Variants in CCSER2 observed in about 807,000 individuals in gnomAD.
The protein encoded by CCSER2 is serine-rich coiled-coil domain-containing protein 2.
Under a neutral mutation model 92.3 loss-of-function variants are expected in CCSER2, and 46 were observed. The ratio of observed to expected loss-of-function variants is 0.50; its 90% confidence interval spans 0.39 to 0.64. CCSER2 has a LOEUF of 0.64. Ranked by LOEUF, CCSER2 falls within the 30% of genes least tolerant of loss-of-function variation. CCSER2 has a pLI of 0.00. For synonymous variants in CCSER2, 433 were observed against 431.4 expected (o/e 1.00, Z -0.04); for missense variants, 1,244 against 1,238.9 (o/e 1.00, Z -0.06).
chr10:84,384,536 A>G (rs1326220315), intron 3 of CCSER2, among the ~76,000 whole-genome samples: 2 of 152,260 alleles, frequency 1.3e-5, no homozygotes, highest in Non-Finnish European at 1.5e-5. Flanking sequence ...GATCATCTCA[A>G]TAGATGAAGA....
At chr10:84,329,158 G>C (rs1236886257) in intron 1 of CCSER2, among the ~76,000 whole-genome samples, 1 of 152,206 alleles carries the variant, frequency 6.6e-6, no homozygotes, top group East Asian at 1.9e-4. Flanking sequence ...GAAAGTACCG[G>C]GGCTCCCCGA....
chr10:84,495,356 G>C (rs1416175598), intron 9 of CCSER2, among the ~76,000 whole-genome samples: 1 of 152,090 alleles, frequency 6.6e-6, no homozygotes, highest in Middle Eastern at 3.2e-3. Context: ...TAACTTTGTT[G>C]TGGTTTGTCT....
intron 3 of CCSER2, among the ~76,000 whole-genome samples, chr10:84,387,653 C>G (rs1007004197): frequency 6.6e-6 from 1 of 150,692 alleles, no homozygotes; most frequent in Non-Finnish European, 1.5e-5. Flanking sequence ...CTCAGCCTCC[C>G]GAGTAGCTGG....
intron 3 of CCSER2, among the ~76,000 whole-genome samples, chr10:84,413,768 G>GTGGGAGTC (rs1842765531): frequency 2.0e-5 from 3 of 152,122 alleles, no homozygotes; most frequent in Admixed American, 2.0e-4. Flanking sequence ...CTATTATTGT[G>GTGGGAGTC]TGGGAGTCTG....
chr10:84,485,898 C>G (rs1250097485), intron 9 of CCSER2, among the ~76,000 whole-genome samples: 2 of 152,210 alleles, frequency 1.3e-5, no homozygotes, highest in Admixed American at 1.3e-4. Flanking sequence ...ACCACCTCCC[C>G]CAACCCCACA....
intron 6 of CCSER2, among the ~76,000 whole-genome samples, chr10:84,448,183 T>A (rs1220603023): frequency 6.6e-6 from 1 of 152,058 alleles, no homozygotes; most frequent in East Asian, 1.9e-4. Flanking sequence ...CCATTTTGGA[T>A]CTGAAACCTG....
At chr10:84,379,762 G>T (rs372378225) in intron 3 of CCSER2, among the ~76,000 whole-genome samples, 3 of 151,896 alleles carry the variant, frequency 2.0e-5, no homozygotes, top group African/African-American at 4.8e-5. Flanking sequence ...TATTCTACAG[G>T]TTTCTTTTTT....
chr10:84,396,983 T>C (rs1467825339), intron 3 of CCSER2, among the ~76,000 whole-genome samples: 1 of 152,250 alleles, frequency 6.6e-6, no homozygotes, highest in Non-Finnish European at 1.5e-5. Flanking sequence ...TATGCTAGTA[T>C]AGAGCAGTAT....
At chr10:84,413,348 C>G (rs1287157721) in intron 3 of CCSER2, among the ~76,000 whole-genome samples, 1 of 152,186 alleles carries the variant, frequency 6.6e-6, no homozygotes, top group East Asian at 1.9e-4. Flanking sequence ...GGTATGTTTT[C>G]TCTTTGTTCT....
chr10:84,433,628 A>G (rs562800861), intron 5 of CCSER2, among the ~76,000 whole-genome samples: 1 of 152,358 alleles, frequency 6.6e-6, no homozygotes, highest in East Asian at 1.9e-4. Context: ...ATTTGGAGAA[A>G]TTCCTTTAAA....
intron 3 of CCSER2, among the ~76,000 whole-genome samples, chr10:84,392,316 C>CAA (rs71473611): frequency 0.014 from 751 of 53,634 alleles, 7 homozygotes; most frequent in African/African-American, 0.018. Flanking sequence ...TCTGAAGAAG[C>CAA]AAAAAAAAAA....
At chr10:84,426,611 A>G (rs1423538890) in intron 5 of CCSER2, among the ~76,000 whole-genome samples, 1 of 152,200 alleles carries the variant, frequency 6.6e-6, no homozygotes, top group Non-Finnish European at 1.5e-5. Context: ...GGAAGTTATT[A>G]GTTTTTCCTT....
chr10:84,461,982 G>C (rs1257231671), intron 6 of CCSER2, among the ~76,000 whole-genome samples: 2 of 152,198 alleles, frequency 1.3e-5, no homozygotes, highest in Non-Finnish European at 2.9e-5. Flanking sequence ...ACAGCTAGCT[G>C]TCTTGATTGT....
At chr10:84,457,684 TTATA>T (rs1243177747) in intron 6 of CCSER2, among the ~76,000 whole-genome samples, 1 of 127,188 alleles carries the variant, frequency 7.9e-6, no homozygotes, top group Non-Finnish European at 1.6e-5. Context: ...ATTATATAAA[TTATA>T]TATATTTATA....
chr10:84,363,957 G>A (rs185629871), intron 1 of CCSER2, among the ~76,000 whole-genome samples: 1 of 152,252 alleles, frequency 6.6e-6, no homozygotes, highest in African/African-American at 2.4e-5. Context: ...CTTGCTTATA[G>A]GCTACAAACC....
At chr10:84,353,190 C>T (rs1844961471) in intron 1 of CCSER2, among the ~76,000 whole-genome samples, 1 of 152,162 alleles carries the variant, frequency 6.6e-6, no homozygotes, top group Non-Finnish European at 1.5e-5. Flanking sequence ...ATGTTCTCCT[C>T]TTTTGTTTTC....
intron 3 of CCSER2, among the ~76,000 whole-genome samples, chr10:84,392,329 A>T (rs1841570926): frequency 6.6e-6 from 1 of 151,312 alleles, no homozygotes; most frequent in Admixed American, 6.6e-5. Context: ...AAAAAAAAAA[A>T]AAAAAAAAAA....
At chr10:84,394,373 CAAAAG>C (rs1841702790) in intron 3 of CCSER2, among the ~76,000 whole-genome samples, 1 of 132,680 alleles carries the variant, frequency 7.5e-6, no homozygotes, top group South Asian at 2.5e-4. Context: ...CTTGAAATAA[CAAAAG>C]GAAAGTATGT....
intron 1 of CCSER2, among the ~76,000 whole-genome samples, chr10:84,351,902 G>T (rs983759833): frequency 9.9e-5 from 15 of 152,156 alleles, no homozygotes; most frequent in South Asian, 6.2e-4. Context: ...TATGTATTGG[G>T]TAAGGGCAGG....
Sources: gnomAD v4.1 joint callset for allele counts (sites outside exome capture counted in the v4.1 genomes callset) on GRCh38, gnomAD v4.1.1 for gene constraint, MANE v1.5 for transcripts, NCBI Gene and HGNC (gene_info 2026-07-23, HGNC 2026-07-21) for gene names.